Variants in KIF18B observed in about 807,000 individuals in gnomAD.
The protein encoded by KIF18B is kinesin-like protein KIF18B.
In KIF18B, 49 loss-of-function variants were observed where a neutral mutation model predicts 80.9. The observed-to-expected ratio is 0.61, with a 90% CI of 0.48 to 0.77. The LOEUF (loss-of-function observed/expected upper bound fraction) is 0.77. Among genes scored for constraint, KIF18B ranks in the 30% least tolerant of loss-of-function variants. The pLI is 0.00. For synonymous variants in KIF18B, 439 were observed against 463.9 expected (o/e 0.95, Z 0.69); for missense variants, 994 against 1,127.7 (o/e 0.88, Z 1.70).
Position 44,925,785 on chromosome 17 carries a change from CAAAA to C in KIF18B, c.*291_*294del, listed in dbSNP as rs568902965. The stretch of plus-strand genomic sequence containing the variant: ...GACAGAGTAAGACTCCATCTCAAAA[CAAAA>C]AAAACAAAAAACAAAAACCACCAAA... On this transcript the variant is annotated 3_prime_UTR_variant, in exon 16 of 16. Transcript: ENST00000593135. 1.2e-3 allele frequency: 473 copies of C among 410,416 alleles called. 2 individuals carry two copies. Among genetic ancestry groups the C allele is most frequent in the Non-Finnish European group, 1.7e-3 (392 of 226,254 alleles). 25.4% of individuals were successfully genotyped at this position (410,416 alleles called of 1,614,324 possible).
intron 14 of KIF18B, 127 bp from the exon 15 acceptor site, chr17:44,926,626 GGAGCTT>G: frequency 5.4e-6 from 5 of 922,964 alleles, no homozygotes; most frequent in Non-Finnish European, 7.9e-6. Flanking sequence ...GGCACCAGCA[GGAGCTT>G]CCAGAGCTGG....
chr17:44,945,227 A>G (rs569870476), intron 1 of KIF18B, among the ~76,000 whole-genome samples: 173 of 152,160 alleles, frequency 1.1e-3, no homozygotes, highest in Non-Finnish European at 1.5e-3. Context: ...ACACCCCCCA[A>G]TTTTAAATTT....
chr17:44,926,765 T>C (rs984626964), intron 14 of KIF18B, among the ~76,000 whole-genome samples: 6 of 152,120 alleles, frequency 3.9e-5, no homozygotes, highest in African/African-American at 7.2e-5. Flanking sequence ...AAATGGGTGC[T>C]GAGAGCCTCC....
chr17:44,932,593 C>T (rs1327597154), intron 9 of KIF18B, 80 bp downstream of exon 9: 2 of 836,332 alleles, frequency 2.4e-6, no homozygotes, highest in Non-Finnish European at 4.1e-6. Context: ...TCCTAGTCCT[C>T]CAGAAACTGG....
Position 44,928,865 on chromosome 17 carries a change from G to A in KIF18B, c.1677C>T (p.Gly559=), listed in dbSNP as rs889154119. ...GAGCCAGAGGTGCCCCCCTGGCCAG[G>A]CCTGAAGTCCTCAAGGCCTCTGCCC... ...EPGAEALRTS[G]LARGAPLAQE... is the part of the protein sequence containing the mutation. Residue 559 remains glycine, a synonymous_variant, in exon 12 of 16, where the codon GGC becomes GGT. Transcript: ENST00000593135. 1.9e-6 allele frequency: 3 copies of A among 1,613,770 alleles called. No homozygotes were observed. Among genetic ancestry groups the A allele is most frequent in the Non-Finnish European group, 2.5e-6 (3 of 1,179,850 alleles).
intron 2 of KIF18B, among the ~76,000 whole-genome samples, chr17:44,935,639 T>A (rs2052272467): frequency 6.6e-6 from 1 of 152,148 alleles, no homozygotes; most frequent in Non-Finnish European, 1.5e-5. Flanking sequence ...CCACTATGGG[T>A]GCGGGCTATG....
chr17:44,929,145 G>T lies in KIF18B; in HGVS notation c.1518-121C>A, dbSNP rs1441552279. The T allele has an allele frequency of 8.5e-6, 7 of 819,222 alleles. No homozygotes were observed. In the East Asian group the frequency reaches 1.6e-4, roughly 19 times the overall value. The allele number at this position is 819,222 out of a possible 1,614,324, so 50.7% of individuals were successfully genotyped here. A position where few individuals can be genotyped will look rare whatever the true frequency, so the allele number is the denominator to read the frequency against. On this transcript the variant is annotated intron_variant, in intron 11 of 15. Transcript: ENST00000593135. Reference sequence around the variant, plus strand: ...TTGAGGAGTCTGAACTGGTCCCCTGGCTCCCTCCTGCCTCACCCCAGACAG... The same window carrying T: ...TTGAGGAGTCTGAACTGGTCCCCTGTCTCCCTCCTGCCTCACCCCAGACAG...
Position 44,928,371 on chromosome 17 carries a change from T to C in KIF18B, c.1931A>G (p.Lys644Arg), listed in dbSNP as rs770901247. The C allele has an allele frequency of 2.3e-5, 36 of 1,588,348 alleles. No homozygotes were observed. The highest frequency in any genetic ancestry group is 2.8e-5 in the Non-Finnish European group (33 of 1,168,920). ...CTGGCGCTGGCGCTTGGTGCCCCGC[T>C]TTGGGGCCATGGGACTGTCTGCCTC... ...ALEADSPMAPKRGTKRQRQSF... is the reference protein window; with the variant it reads ...ALEADSPMAPRRGTKRQRQSF... The change falls in exon 13 of 16, where the codon AAG (lysine) becomes AGG (arginine). Residue 644 changes from lysine to arginine, a missense_variant. Transcript: ENST00000593135.
Position 44,928,873 on chromosome 17 carries a change from T to A in KIF18B, c.1669A>T (p.Thr557Ser). Residue 557 changes from threonine (T) to serine (S), a missense_variant, in exon 12 of 16, where the codon ACT becomes TCT. Thr to Ser is a moderately conservative substitution (Grantham distance 58). Coordinates refer to ENST00000593135, the MANE Select transcript of KIF18B (RefSeq NM_001265577.2). ...KIEPGAEALR[T>S]SGLARGAPLA... ...GGTGCCCCCCTGGCCAGGCCTGAAG[T>A]CCTCAAGGCCTCTGCCCCAGGCTCA... 6.2e-7 allele frequency: 1 copy of A among 1,613,814 alleles called. No homozygotes were observed. The highest frequency in any genetic ancestry group is 8.5e-7 in the Non-Finnish European group (1 of 1,179,802).
In KIF18B at chr17:44,929,023, A is replaced by G. The variant is rs908514105; in HGVS notation, c.1519T>C (p.Leu507=). The change falls in exon 12 of 16, where the codon TTG becomes CTG. Residue 507 remains leucine (L), a splice_region_variant and synonymous_variant. Transcript: ENST00000593135. ...GCAACGCACAGCACCTTTAGGGCCAACCTGGAACAGAAGAAAGGGGATTCC... is the reference window on the plus strand; with the variant it reads ...GCAACGCACAGCACCTTTAGGGCCAGCCTGGAACAGAAGAAAGGGGATTCC... ...RELDGDRSKQ[L]ALKVLCVAQR... 6.2e-6 allele frequency: 10 copies of G among 1,613,816 alleles called. No individual in the cohort carries two copies. The highest frequency in any genetic ancestry group is 8.5e-6 in the Non-Finnish European group (10 of 1,179,844).
chr17:44,938,173 G>A lies in KIF18B; in HGVS notation c.-14-1815C>T, dbSNP rs565837919. Among the ~76,000 whole-genome samples, 6 of 152,124 alleles carry A rather than the reference G, an allele frequency of 3.9e-5. No homozygotes were observed. In the East Asian group the frequency reaches 5.8e-4, roughly 15 times the overall value. ...TGGGATTACAGGTGCCCGCCGGTGC[G>A]CCCAGCTAATTTTTGTGTTTTTAGT... On this transcript the variant is annotated intron_variant, in intron 1 of 15. Transcript: ENST00000593135.
intron 11 of KIF18B, among the ~76,000 whole-genome samples, chr17:44,930,921 T>C (rs2052132190): frequency 1.3e-5 from 2 of 152,024 alleles, no homozygotes; most frequent in African/African-American, 4.8e-5. Flanking sequence ...GAACAGACAC[T>C]CCCCAACAAG....
chr17:44,943,915 C>T (rs2052465658), intron 1 of KIF18B, among the ~76,000 whole-genome samples: 1 of 152,122 alleles, frequency 6.6e-6, no homozygotes. Flanking sequence ...TGATGTCTCA[C>T]TATGCCGCCC....
At chr17:44,947,340 C>G (rs1415006227) in intron 1 of KIF18B, among the ~76,000 whole-genome samples, 1 of 152,088 alleles carries the variant, frequency 6.6e-6, no homozygotes, top group Non-Finnish European at 1.5e-5. Flanking sequence ...GGCCAGGCCC[C>G]GGTGGCAGAT....
At position 44,934,864 on chromosome 17, in the gene KIF18B, C is replaced by T. The variant is rs1308906104; in HGVS notation, c.543G>A (p.Lys181=). ...GPLAIREDPD[K]GVVVQGLSFH... ...AAGAAAGTCCTTGCACCACCACCCC[C>T]TTGTCGGGGTCCTCGCGGATGGCAA... is the stretch of plus-strand genomic sequence containing the variant. The change falls in exon 4 of 16, where the codon AAG becomes AAA. Residue 181 remains lysine, a synonymous_variant. Transcript: ENST00000593135. This position sits in a 1 kb window ranked among gnomAD's most constrained non-coding sequence, Gnocchi z 5.4. The T allele has an allele frequency of 1.3e-6, 2 of 1,550,852 alleles. No homozygotes were observed. The highest frequency in any genetic ancestry group is 1.7e-6 in the Non-Finnish European group (2 of 1,146,162).
At chr17:44,931,174 G>A (rs1028312577) in intron 11 of KIF18B, among the ~76,000 whole-genome samples, 3 of 152,158 alleles carry the variant, frequency 2.0e-5, no homozygotes, top group East Asian at 1.9e-4. Flanking sequence ...AAAAATAGCC[G>A]CAATCAATCT....
At position 44,936,154 on chromosome 17, in the gene KIF18B, T is replaced by C; in HGVS notation, c.191A>G (p.Lys64Arg). 1 of 1,613,574 alleles carries C rather than the reference T, an allele frequency of 6.2e-7. No homozygotes were observed. The highest frequency in any genetic ancestry group is 1.1e-5 in the South Asian group (1 of 91,010). The change falls in exon 2 of 16, where the codon AAG becomes AGG. Residue 64 changes from lysine (K) to arginine (R), a missense_variant. Physicochemically the swap from Lys to Arg is conservative, Grantham distance 26 (BLOSUM62 2). Transcript: ENST00000593135. ...WGGTHDGPKK[K>R]GKDLTFVFDR... is the part of the protein sequence containing the mutation. ...AAAGACAAACGTCAGGTCTTTGCCC[T>C]TCTTCTTGGGGCCATCATGGGTGCC...
At position 44,926,136 on chromosome 17, in the gene KIF18B, G is replaced by T; in HGVS notation, c.2503C>A (p.Leu835Ile). The T allele has an allele frequency of 6.2e-7, 1 of 1,613,926 alleles. No homozygotes were observed. The highest frequency in any genetic ancestry group is 8.5e-7 in the Non-Finnish European group (1 of 1,179,870). Residue 835 changes from leucine (L) to isoleucine (I), a missense_variant, in exon 16 of 16, where the codon CTC (leucine) becomes ATC (isoleucine). By Grantham distance (5) the Leu-to-Ile change is conservative. Transcript: ENST00000593135. ...GAGAGTGCTCTCCCCACCCTGATGAGGTCCTTTCCATTCCTCCGGTTGCTA... is the reference window on the plus strand; with the variant it reads ...GAGAGTGCTCTCCCCACCCTGATGATGTCCTTTCCATTCCTCCGGTTGCTA... Reference protein sequence around the residue: ...CPSNRRNGKDLIRVGRALSAG... With the variant: ...CPSNRRNGKDIIRVGRALSAG...
At chr17:44,933,448 G>A (rs763686782) in intron 7 of KIF18B, among the ~76,000 whole-genome samples, 3 of 152,092 alleles carry the variant, frequency 2.0e-5, no homozygotes, top group Non-Finnish European at 2.9e-5. Flanking sequence ...CCAGGGATGG[G>A]GACTGTGTCG....
Sources: allele counts gnomAD v4.1 joint callset (sites outside exome capture counted in the v4.1 genomes callset), GRCh38; gene constraint gnomAD v4.1.1; non-coding constraint Gnocchi (gnomAD v3.1); transcripts MANE v1.5; gene names NCBI Gene and HGNC (gene_info 2026-07-23, HGNC 2026-07-21).